The following WDR59 variants were observed in gnomAD, a reference collection of about 807,000 sequenced individuals.
WDR59 encodes the protein WD repeat domain 59.
Under a neutral mutation model 131.2 loss-of-function variants are expected in WDR59, and 100 were observed. That is an observed-to-expected ratio of 0.76 (90% CI 0.65 to 0.90). WDR59 has a LOEUF of 0.90. Among genes scored for constraint, WDR59 ranks in the 40% least tolerant of loss-of-function variants. The pLI, the probability that WDR59 is intolerant of heterozygous loss-of-function variation, is 0.00. For synonymous variants in WDR59, 601 were observed against 466.2 expected (o/e 1.29, Z -3.72); for missense variants, 1,203 against 1,262.2 (o/e 0.95, Z 0.71).
rs367979808 is a variant in WDR59, at chr16:74,951,590, T to C, written c.241-47A>G. On this transcript the variant is annotated intron_variant, in intron 3 of 25. Transcript: ENST00000262144. Reference sequence around the variant, plus strand: ...CCACAGGCAAGTATGTTGGGATATATGGTCTTGCCCCAATCAGCTTAAGGC... The same window carrying C: ...CCACAGGCAAGTATGTTGGGATATACGGTCTTGCCCCAATCAGCTTAAGGC... 135 of 1,516,064 alleles carry C rather than the reference T, an allele frequency of 8.9e-5. No individual in the cohort carries two copies. The African/African-American group carries it at 1.6e-3, about 18-fold the overall frequency. The allele number at this position is 1,516,064 out of a possible 1,614,324, so 93.9% of individuals were successfully genotyped here.
In WDR59 at chr16:74,985,112, C is replaced by G. The variant is rs1297745699; in HGVS notation, c.-95G>C. 1 of 1,248,650 alleles carries G rather than the reference C, an allele frequency of 8.0e-7. No individual in the cohort carries two copies. The highest frequency in any genetic ancestry group is 2.5e-5 in the East Asian group (1 of 39,412). 77.3% of individuals were successfully genotyped at this position (1,248,650 alleles called of 1,614,324 possible). On this transcript the variant is annotated 5_prime_UTR_variant, in exon 1 of 26. Coordinates refer to ENST00000262144, the MANE Select transcript of WDR59 (RefSeq NM_030581.4). ...CGTGCGCCCCACACAGCCAGAGAAT[C>G]AGCCCCGACACGCCCCGTGCCCTGG...
intron 2 of WDR59, among the ~76,000 whole-genome samples, chr16:74,958,130 GA>G (rs1303613081): frequency 6.6e-6 from 1 of 152,218 alleles, no homozygotes; most frequent in Non-Finnish European, 1.5e-5. Context: ...TACAAAGGCA[GA>G]AAGTGGGCAC....
chr16:74,906,314 A>AAAAAAAAAAAAAAAAAAAAAAAAAAC (rs1965817044), intron 17 of WDR59, among the ~76,000 whole-genome samples: 2 of 59,076 alleles, frequency 3.4e-5, no homozygotes, highest in African/African-American at 1.2e-4. Context: ...ACTCCGTCTC[A>AAAAAAAAAAAAAAAAAAAAAAAAAAC]AAAAAAAAAA....
intron 18 of WDR59, among the ~76,000 whole-genome samples, chr16:74,900,913 G>T (rs963394997): frequency 6.6e-6 from 1 of 152,244 alleles, no homozygotes; most frequent in Non-Finnish European, 1.5e-5. Flanking sequence ...GAGGTCAGGA[G>T]TTCGAGACCA....
At chr16:74,921,746 G>A (rs2030251280) in intron 10 of WDR59, among the ~76,000 whole-genome samples, 1 of 147,266 alleles carries the variant, frequency 6.8e-6, no homozygotes, top group African/African-American at 2.4e-5. Context: ...TTGTGGAAGA[G>A]GACAGAATTT....
chr16:74,888,223 GGGGTTT>G lies in WDR59; in HGVS notation c.2286_2291del (p.Asn763_Pro764del). On this transcript the variant is annotated inframe_deletion, in exon 22 of 26. Coordinates refer to ENST00000262144, the MANE Select transcript of WDR59 (RefSeq NM_030581.4). ...AAGAACGGTTAGGAAAAGGCCCAAA[GGGGTTT>G]GGTAGCCCCTGAGGCCGAGACTGGG... The G allele has an allele frequency of 6.2e-7, 1 of 1,614,102 alleles. No homozygotes were observed. The highest frequency in any genetic ancestry group is 1.1e-5 in the South Asian group (1 of 91,074).
chr16:74,907,095 G>A (rs1254442669), intron 17 of WDR59, among the ~76,000 whole-genome samples: 1 of 152,054 alleles, frequency 6.6e-6, no homozygotes, highest in Non-Finnish European at 1.5e-5. Flanking sequence ...TAATGTAGGT[G>A]TTCCCTAGTA....
At position 74,874,222 on chromosome 16, in the gene WDR59, T is replaced by C; in HGVS notation, c.2912A>G (p.Glu971Gly). ...PTGCGCHCLL[E>G]STF ...ACTTCTGTAGGTTCAGAAAGTGCTT[T>C]CAAGCAGGCAGTGGCACCCACACCC... The change falls in exon 26 of 26, where the codon GAA (glutamate) becomes GGA (glycine). Residue 971 changes from glutamate (E) to glycine (G), a missense_variant. Transcript: ENST00000262144. The C allele has an allele frequency of 6.2e-7, 1 of 1,613,882 alleles. No individual in the cohort carries two copies. The highest frequency in any genetic ancestry group is 1.1e-5 in the South Asian group (1 of 91,048).
intron 8 of WDR59, among the ~76,000 whole-genome samples, chr16:74,929,539 G>A (rs1159028597): frequency 6.6e-6 from 1 of 152,164 alleles, no homozygotes; most frequent in Non-Finnish European, 1.5e-5. Context: ...ATGAACGCTG[G>A]CAAGGATGTG....
Position 74,885,795 on chromosome 16 carries a change from C to T in WDR59, c.2547G>A (p.Arg849=). ...RERDQHDKNK[R]LLDPANTQQF... The stretch of plus-strand genomic sequence containing the variant: ...GCTGGGTATTGGCGGGGTCCAGGAG[C>T]CTGGATAAAGTTAAAAAGATTTCCT... Residue 849 remains arginine (R), a splice_region_variant and synonymous_variant, in exon 25 of 26, where the codon AGG becomes AGA. Transcript: ENST00000262144. 1.9e-6 allele frequency: 3 copies of T among 1,608,110 alleles called. No individual in the cohort carries two copies. The highest frequency in any genetic ancestry group is 2.5e-6 in the Non-Finnish European group (3 of 1,178,664).
At chr16:74,880,636 C>T (rs1343039017) in intron 25 of WDR59, among the ~76,000 whole-genome samples, 1 of 152,052 alleles carries the variant, frequency 6.6e-6, no homozygotes, top group Non-Finnish European at 1.5e-5. Context: ...CACTGACTAC[C>T]CTGAGGATCA....
intron 1 of WDR59, among the ~76,000 whole-genome samples, chr16:74,981,629 T>TACACATATATATATATATATATAC (rs1283747062): frequency 1.1e-3 from 3 of 2,648 alleles, no homozygotes; most frequent in African/African-American, 2.4e-3. Flanking sequence ...TATATATATA[T>TACACATATATATATATATATATAC]ATATATATAT....
chr16:74,917,830 A>T, intron 11 of WDR59, 99 bp downstream of exon 11: 1 of 972,506 alleles, frequency 1.0e-6, no homozygotes, highest in Non-Finnish European at 1.5e-6. Flanking sequence ...AAAAAAAAAA[A>T]AATTGTTTAT....
chr16:74,924,145 C>A, intron 8 of WDR59, 142 bp from the exon 9 acceptor site: 1 of 722,972 alleles, frequency 1.4e-6, no homozygotes, highest in African/African-American at 1.8e-5. Context: ...CTCCTATAAC[C>A]ACGCACTGTG....
intron 6 of WDR59, among the ~76,000 whole-genome samples, chr16:74,945,301 C>A (rs1309819703): frequency 6.6e-6 from 1 of 150,930 alleles, no homozygotes; most frequent in Non-Finnish European, 1.5e-5. Context: ...ACAGTGAAAC[C>A]CTGTCTCTAC....
intron 13 of WDR59, among the ~76,000 whole-genome samples, chr16:74,914,719 G>A (rs1966276821): frequency 6.6e-6 from 1 of 151,598 alleles, no homozygotes; most frequent in Non-Finnish European, 1.5e-5. Flanking sequence ...TCAGCCTCGT[G>A]AATAGCCGGG....
At chr16:74,933,173 C>T (rs1213307263) in intron 8 of WDR59, among the ~76,000 whole-genome samples, 1 of 152,154 alleles carries the variant, frequency 6.6e-6, no homozygotes, top group Non-Finnish European at 1.5e-5. Context: ...TGGTGGCATA[C>T]ACCTGTAGTC....
Position 74,938,213 on chromosome 16 carries a change from G to C in WDR59, c.588C>G (p.Gly196=). 1 of 1,567,418 alleles carries C rather than the reference G, an allele frequency of 6.4e-7. No individual in the cohort carries two copies. Among genetic ancestry groups the C allele is most frequent in the Non-Finnish European group, 8.7e-7 (1 of 1,155,838 alleles). ...GCTCGCTGTCTGGGTGCCAGTCCAG[G>C]CCATGGATTTTGGAGAGGTGGGCGG... ...YLAAHLSKIH[G]LDWHPDSEHI... The change falls in exon 8 of 26, where the codon GGC becomes GGG. Residue 196 remains glycine (G), a synonymous_variant. Transcript: ENST00000262144.
chr16:74,909,563 C>G lies in WDR59; in HGVS notation c.1580G>C (p.Gly527Ala), dbSNP rs1397622880. 6.2e-7 allele frequency: 1 copy of G among 1,610,720 alleles called. No individual in the cohort carries two copies. Among genetic ancestry groups the G allele is most frequent in the African/African-American group, 1.3e-5 (1 of 74,766 alleles). ...GGGAATGTTGGCGTCCTGGTACGACCCGTAAGCCGTGGTCACCCGCGCAAA... is the reference window on the plus strand; with the variant it reads ...GGGAATGTTGGCGTCCTGGTACGACGCGTAAGCCGTGGTCACCCGCGCAAA... The part of the protein sequence containing the change: ...PTFARVTTAY[G>A]SYQDANIPFP... Residue 527 changes from glycine to alanine, a missense_variant, in exon 16 of 26, where the codon GGG becomes GCG. Coordinates refer to ENST00000262144, the MANE Select transcript of WDR59 (RefSeq NM_030581.4).
Sources: gnomAD v4.1 joint callset for allele counts (sites outside exome capture counted in the v4.1 genomes callset) on GRCh38, gnomAD v4.1.1 for gene constraint, MANE v1.5 for transcripts, NCBI Gene and HGNC (gene_info 2026-07-23, HGNC 2026-07-21) for gene names.